SLC39A11: variants seen among roughly 807,000 people sequenced by gnomAD.
The protein encoded by SLC39A11 is zinc transporter ZIP11.
In SLC39A11, 33 loss-of-function variants were observed where a neutral mutation model predicts 36.1. The ratio of observed to expected loss-of-function variants is 0.91; its 90% CI spans 0.69 to 1.22. SLC39A11 has a LOEUF of 1.22. SLC39A11 is among the 50% of genes most tolerant of loss of function. The pLI is 0.00. For synonymous variants in SLC39A11, 166 were observed against 170.3 expected, an observed-to-expected ratio of 0.97 and a Z score of 0.20; for missense variants, 432 against 430.3, an observed-to-expected ratio of 1.00 and a Z score of -0.03.
chr17:72,779,364 G>A (rs2076232687), intron 6 of SLC39A11, among the ~76,000 whole-genome samples: 1 of 152,164 alleles, frequency 6.6e-6, no homozygotes, highest in Admixed American at 6.5e-5. Flanking sequence ...GGCGGAGGTT[G>A]CAGTGAGCCG....
intron 4 of SLC39A11, among the ~76,000 whole-genome samples, chr17:73,024,083 T>A (rs4969005): frequency 2.0e-5 from 3 of 152,122 alleles, no homozygotes; most frequent in Non-Finnish European, 2.9e-5. Context: ...AGCGAAATAA[T>A]ACAGATGTGT....
At chr17:73,043,276 C>T (rs1214268503) in intron 3 of SLC39A11, among the ~76,000 whole-genome samples, 1 of 152,108 alleles carries the variant, frequency 6.6e-6, no homozygotes, top group African/African-American at 2.4e-5. Flanking sequence ...TTGTGGAGTC[C>T]ACAAGGCGAA....
intron 6 of SLC39A11, among the ~76,000 whole-genome samples, chr17:72,740,094 T>A (rs372211219): frequency 4.4e-5 from 6 of 137,530 alleles, no homozygotes; most frequent in African/African-American, 1.7e-4. Flanking sequence ...ATGGAGTCTC[T>A]CTCTGTCGCC....
At chr17:72,843,858 C>G (rs1399730800) in intron 6 of SLC39A11, among the ~76,000 whole-genome samples, 1 of 152,106 alleles carries the variant, frequency 6.6e-6, no homozygotes, top group Non-Finnish European at 1.5e-5. Context: ...AACCCAAGAG[C>G]CCCAGACGTG....
chr17:73,066,626 C>T (rs972796115), intron 3 of SLC39A11, among the ~76,000 whole-genome samples: 2 of 152,174 alleles, frequency 1.3e-5, no homozygotes, highest in Non-Finnish European at 2.9e-5. Context: ...CCCCTGGCAA[C>T]ATACATTAGT....
intron 4 of SLC39A11, among the ~76,000 whole-genome samples, chr17:72,949,967 AC>A (rs1373030638): frequency 7.0e-6 from 1 of 143,456 alleles, no homozygotes; most frequent in Non-Finnish European, 1.5e-5. Flanking sequence ...ACACACACAC[AC>A]ACACACACAC....
intron 6 of SLC39A11, among the ~76,000 whole-genome samples, chr17:72,804,649 G>A (rs914987461): frequency 2.6e-5 from 4 of 152,214 alleles, no homozygotes; most frequent in Non-Finnish European, 5.9e-5. Context: ...TTCTGGTCCT[G>A]TCTCTGCCAT....
At chr17:72,717,569 CG>C (rs1335634268) in intron 7 of SLC39A11, among the ~76,000 whole-genome samples, 1 of 152,222 alleles carries the variant, frequency 6.6e-6, no homozygotes, top group Non-Finnish European at 1.5e-5. Context: ...TGTGTGGCCA[CG>C]GGGCACTGTC....
chr17:72,774,819 T>C (rs958535259), intron 6 of SLC39A11, among the ~76,000 whole-genome samples: 2 of 152,156 alleles, frequency 1.3e-5, no homozygotes, highest in Non-Finnish European at 2.9e-5. Context: ...TTAGGCTAGA[T>C]TGCTTTACTC....
chr17:73,013,367 C>T (rs760005233), intron 4 of SLC39A11, among the ~76,000 whole-genome samples: 3 of 152,248 alleles, frequency 2.0e-5, no homozygotes, highest in Non-Finnish European at 1.5e-5. Context: ...GGATTACAGG[C>T]GTGAGCCTCC....
chr17:73,073,771 C>T (rs2060235233), intron 3 of SLC39A11: 2 of 152,132 alleles, frequency 1.3e-5, no homozygotes, highest in Non-Finnish European at 2.9e-5. Flanking sequence ...TGGCTCTCTC[C>T]TTTATCCCTG....
chr17:72,967,399 A>T lies in SLC39A11; in HGVS notation c.307-19524T>A, dbSNP rs74372917. Among the ~76,000 whole-genome samples the T allele has an allele frequency of 6.1e-3, 844 of 138,266 alleles. 12 individuals carry two copies. Among genetic ancestry groups the T allele is most frequent in the African/African-American group, 0.021 (748 of 36,130 alleles). The allele number at this position is 138,266 out of a possible 152,430, so 90.7% of individuals were successfully genotyped here. A position where few individuals can be genotyped will look rare whatever the true frequency, so the allele number is the denominator to read the frequency against. On this transcript the variant is annotated intron_variant, in intron 4 of 9. Transcript: ENST00000255559. ...GAGAGAGAGAGAGAGAGAGAGAGAG[A>T]GTGTGTGTGTGTGTGTGTTTTCCTT...
intron 6 of SLC39A11, among the ~76,000 whole-genome samples, chr17:72,778,196 G>A (rs2076199508): frequency 1.3e-5 from 2 of 152,256 alleles, no homozygotes; most frequent in South Asian, 2.1e-4. Context: ...TGAGCCACCA[G>A]GCCTGGCCCA....
chr17:72,900,122 A>G (rs199705395), intron 5 of SLC39A11, among the ~76,000 whole-genome samples: 1 of 138,684 alleles, frequency 7.2e-6, no homozygotes, highest in Admixed American at 7.0e-5. Flanking sequence ...AGAAAGAAAG[A>G]AAAGAAAGAA....
At chr17:73,036,653 G>A (rs1293055137) in intron 3 of SLC39A11, among the ~76,000 whole-genome samples, 1 of 151,974 alleles carries the variant, frequency 6.6e-6, no homozygotes, top group Non-Finnish European at 1.5e-5. Context: ...CACCATATTG[G>A]TCAGGCTGGT....
chr17:72,810,657 T>C (rs2077405840), intron 6 of SLC39A11, among the ~76,000 whole-genome samples: 1 of 152,150 alleles, frequency 6.6e-6, no homozygotes. Context: ...ATGATCTCAA[T>C]AGTGGTTATA....
At chr17:72,968,651 C>T (rs2087197016) in intron 4 of SLC39A11, among the ~76,000 whole-genome samples, 2 of 152,084 alleles carry the variant, frequency 1.3e-5, no homozygotes, top group South Asian at 4.1e-4. Flanking sequence ...CCCGACCGCC[C>T]ATCAGCACCT....
chr17:73,007,120 A>C (rs985203676), intron 4 of SLC39A11, among the ~76,000 whole-genome samples: 2 of 152,156 alleles, frequency 1.3e-5, no homozygotes, highest in African/African-American at 4.8e-5. Context: ...GGCCACAGAG[A>C]GATTCAAAAC....
chr17:72,903,116 A>C (rs374334406), intron 5 of SLC39A11, among the ~76,000 whole-genome samples: 11 of 152,190 alleles, frequency 7.2e-5, no homozygotes, highest in East Asian at 1.9e-4. Flanking sequence ...AATACAAAAA[A>C]TTAGCAGGGC....
Sources: gnomAD v4.1 joint callset for allele counts (sites outside exome capture counted in the v4.1 genomes callset) on GRCh38, gnomAD v4.1.1 for gene constraint, MANE v1.5 for transcripts, NCBI Gene and HGNC (gene_info 2026-07-23, HGNC 2026-07-21) for gene names.